The following MED16 variants were observed in gnomAD, a reference collection of about 807,000 sequenced individuals.
MED16 encodes mediator of RNA polymerase II transcription subunit 16.
MED16 carries 81 observed loss-of-function variants against 84.4 expected under a neutral mutation model. The observed-to-expected ratio is 0.96, with a 90% CI of 0.80 to 1.15. The LOEUF (loss-of-function observed/expected upper bound fraction) is 1.15, where lower values mean the gene tolerates loss of function less well. Ranked by LOEUF, MED16 falls within the 50% of genes most tolerant of loss-of-function variation. The pLI is 0.00. For missense variants in MED16, 1,585 were observed against 1,245.9 expected, an observed-to-expected ratio of 1.27 and a Z score of -4.10; for synonymous variants, 897 against 552.2, an observed-to-expected ratio of 1.62 and a Z score of -8.76.
At chr19:873,909 G>A (rs770718364) in intron 10 of MED16, among the ~76,000 whole-genome samples, 5 of 152,166 alleles carry the variant, frequency 3.3e-5, no homozygotes, top group Non-Finnish European at 5.9e-5. Flanking sequence ...GCTCCGAGGT[G>A]AACTCTGTGA....
intron 10 of MED16, among the ~76,000 whole-genome samples, chr19:874,938 G>A (rs1246529449): frequency 1.3e-5 from 2 of 151,958 alleles, no homozygotes; most frequent in Non-Finnish European, 2.9e-5. Context: ...CGAGGCGGGC[G>A]GATCATTTGA....
chr19:870,758 A>T (rs950417465), intron 13 of MED16, among the ~76,000 whole-genome samples: 15 of 146,594 alleles, frequency 1.0e-4, no homozygotes, highest in Non-Finnish European at 2.2e-4. Flanking sequence ...CTGGGGCAGG[A>T]CATGGAGGGA....
intron 8 of MED16, among the ~76,000 whole-genome samples, chr19:877,558 C>T (rs1335147549): frequency 1.1e-5 from 1 of 92,710 alleles, no homozygotes; most frequent in Non-Finnish European, 2.5e-5. Flanking sequence ...ACCCATCACA[C>T]AGACAAGGCA....
Position 871,219 on chromosome 19 carries a change from C to A in MED16, c.2133G>T (p.Glu711Asp), listed in dbSNP as rs1244425481. ...GCAGGCAGCATTCATCCACCAGCGCCTCGTCCGGCTCGCTCGCTGGGCCCT... is the reference window on the plus strand; with the variant it reads ...GCAGGCAGCATTCATCCACCAGCGCATCGTCCGGCTCGCTCGCTGGGCCCT... ...RDEGPASEPDEALVDECCLLP... is the reference protein window; with the variant it reads ...RDEGPASEPDDALVDECCLLP... Residue 711 changes from glutamate to aspartate, a missense_variant, in exon 13 of 16, where the codon GAG (glutamate) becomes GAT (aspartate). Transcript: ENST00000325464. 1.3e-6 allele frequency: 2 copies of A among 1,545,468 alleles called. No individual in the cohort carries two copies. The highest frequency in any genetic ancestry group is 1.7e-6 in the Non-Finnish European group (2 of 1,143,122).
intron 13 of MED16, among the ~76,000 whole-genome samples, chr19:869,246 C>G (rs761398435): frequency 6.6e-6 from 1 of 152,210 alleles, no homozygotes. Context: ...CGGTCCGCCA[C>G]GTGCCCGGGG....
chr19:868,230 C>A lies in MED16; in HGVS notation c.2505G>T (p.Pro835=). ...KNCLAVEGRG[P]DACVTSRASE... is the part of the protein sequence containing the mutation. Reference sequence around the variant, plus strand: ...AAGCTCTGCTGGTCACGCAGGCGTCCGGCCCACGGCCTTCAACAGCCCTGC... The same window carrying A: ...AAGCTCTGCTGGTCACGCAGGCGTCAGGCCCACGGCCTTCAACAGCCCTGC... Residue 835 remains proline (P), a synonymous_variant, in exon 16 of 16, where the codon CCG becomes CCT. Coordinates refer to ENST00000325464, the MANE Select transcript of MED16 (RefSeq NM_005481.3). The A allele has an allele frequency of 6.3e-7, 1 of 1,597,302 alleles. No individual in the cohort carries two copies. Among genetic ancestry groups the A allele is most frequent in the Non-Finnish European group, 8.5e-7 (1 of 1,173,016 alleles).
At chr19:870,347 G>C (rs1017846123) in intron 13 of MED16, among the ~76,000 whole-genome samples, 2 of 152,152 alleles carry the variant, frequency 1.3e-5, no homozygotes, top group Non-Finnish European at 1.5e-5. Flanking sequence ...GATCACCTGA[G>C]GTCAGGAGTT....
chr19:883,997 G>A (rs1435148208), intron 6 of MED16, among the ~76,000 whole-genome samples: 2 of 152,126 alleles, frequency 1.3e-5, no homozygotes, highest in Non-Finnish European at 2.9e-5. Context: ...TGCCTCTGCG[G>A]CCACAATGGG....
chr19:890,613 G>A (rs904950963), intron 2 of MED16, among the ~76,000 whole-genome samples: 2 of 152,194 alleles, frequency 1.3e-5, no homozygotes, highest in African/African-American at 4.8e-5. Flanking sequence ...TCAAACAATG[G>A]AGAGAAGACG....
intron 7 of MED16, among the ~76,000 whole-genome samples, chr19:880,803 C>T (rs1010822429): frequency 6.6e-6 from 1 of 152,030 alleles, no homozygotes; most frequent in South Asian, 2.1e-4. Flanking sequence ...CGCCTGTAGT[C>T]CCAGCTACTC....
At chr19:871,613 T>C (rs753920641) in intron 12 of MED16, 1 of 1,595,312 alleles carries the variant, frequency 6.3e-7, no homozygotes, top group Admixed American at 1.7e-5. Context: ...TGCCTGGAAG[T>C]GGCTGCCATC....
chr19:877,755 GT>G (rs2036288453), intron 8 of MED16, among the ~76,000 whole-genome samples: 7 of 121,142 alleles, frequency 5.8e-5, no homozygotes, highest in Non-Finnish European at 1.0e-4. Flanking sequence ...TCCCCTGGTT[GT>G]CAATGCCCAC....
At chr19:868,368 T>A (rs1482280600) in intron 15 of MED16, 48 bp downstream of exon 15, 1 of 1,602,022 alleles carries the variant, frequency 6.2e-7, no homozygotes. Context: ...GAGGGGCAGC[T>A]GGGCTCAGGG....
intron 10 of MED16, among the ~76,000 whole-genome samples, chr19:874,361 G>A (rs760780818): frequency 2.0e-5 from 3 of 152,122 alleles, no homozygotes; most frequent in Non-Finnish European, 4.4e-5. Context: ...ATCAGCCCGC[G>A]TTGGCCTCCC....
At chr19:869,923 G>A (rs906782256) in intron 13 of MED16, among the ~76,000 whole-genome samples, 1 of 152,212 alleles carries the variant, frequency 6.6e-6, no homozygotes, top group Non-Finnish European at 1.5e-5. Context: ...GGGGTGACAA[G>A]GTCCCACCCT....
In MED16 at chr19:871,231, G is replaced by A. The variant is rs761520853; in HGVS notation, c.2121C>T (p.Ser707=). Residue 707 remains serine (S), a synonymous_variant, in exon 13 of 16, where the codon AGC becomes AGT. Transcript: ENST00000325464. The stretch of plus-strand genomic sequence containing the variant: ...CATCCACCAGCGCCTCGTCCGGCTC[G>A]CTCGCTGGGCCCTCATCGCGACCTG... ...WICCRDEGPA[S]EPDEALVDEC... is the part of the protein sequence containing the mutation. 174 of 1,541,738 alleles carry A rather than the reference G, an allele frequency of 1.1e-4. No individual in the cohort carries two copies. Among genetic ancestry groups the A allele is most frequent in the Middle Eastern group, 3.4e-4 (2 of 5,908 alleles).
intron 4 of MED16, among the ~76,000 whole-genome samples, chr19:888,134 G>T (rs995503615): frequency 6.6e-6 from 1 of 151,892 alleles, no homozygotes; most frequent in Non-Finnish European, 1.5e-5. Flanking sequence ...AGCCCGGGAG[G>T]GAGAGGCTGC....
chr19:887,333 A>C (rs1474067044), intron 4 of MED16, among the ~76,000 whole-genome samples: 3 of 152,148 alleles, frequency 2.0e-5, no homozygotes, highest in Admixed American at 1.3e-4. Context: ...GTCTGAGACT[A>C]TGTTAAAGGA....
intron 8 of MED16, among the ~76,000 whole-genome samples, chr19:878,254 CCCCA>C (rs2036311998): frequency 1.1e-5 from 1 of 89,052 alleles, no homozygotes; most frequent in Non-Finnish European, 2.2e-5. Flanking sequence ...CCAGCCCCAG[CCCCA>C]CGGGCCCCAG....
Sources: gnomAD v4.1 joint callset for allele counts (sites outside exome capture counted in the v4.1 genomes callset) on GRCh38, gnomAD v4.1.1 for gene constraint, MANE v1.5 for transcripts, NCBI Gene and HGNC (gene_info 2026-07-23, HGNC 2026-07-21) for gene names.